The following ABCB11 variants were observed in gnomAD, a reference collection of about 807,000 sequenced individuals.
ABCB11 encodes ATP binding cassette subfamily B member 11.
Under a neutral mutation model 148.0 loss-of-function variants are expected in ABCB11, and 95 were observed. The observed-to-expected ratio is 0.64, with a 90% CI of 0.54 to 0.76. The LOEUF is 0.76. Among genes scored for constraint, ABCB11 ranks in the 30% least tolerant of loss-of-function variants. ABCB11 has a pLI of 0.00. For missense variants in ABCB11, 1,523 were observed against 1,617.8 expected (o/e 0.94, Z 1.01); for synonymous variants, 591 against 555.4 (o/e 1.06, Z -0.90).
intron 5 of ABCB11, among the ~76,000 whole-genome samples, chr2:169,002,067 T>C (rs11898632): frequency 0.12 from 17,569 of 152,090 alleles, 1,558 homozygotes; most frequent in African/African-American, 0.25. Context: ...AACAAAAAGA[T>C]AGAAAAACAA....
At chr2:168,934,675 A>C (rs1036035179) in intron 23 of ABCB11, among the ~76,000 whole-genome samples, 2 of 152,238 alleles carry the variant, frequency 1.3e-5, no homozygotes, top group African/African-American at 4.8e-5. Flanking sequence ...CTCAGCATTA[A>C]CATGTGTGGC....
At chr2:168,923,893 A>G in intron 27 of ABCB11, 71 bp from the exon 28 acceptor site, 2 of 1,434,452 alleles carry the variant, frequency 1.4e-6, no homozygotes, top group East Asian at 2.3e-5. Context: ...ATGAGAGTTC[A>G]GTTAACACGA....
At chr2:168,950,133 A>G (rs1193511577) in intron 19 of ABCB11, among the ~76,000 whole-genome samples, 1 of 68,956 alleles carries the variant, frequency 1.5e-5, no homozygotes, top group Non-Finnish European at 3.0e-5. Context: ...ACTCCCATAT[A>G]TATATATACA....
chr2:168,979,785 G>A, intron 11 of ABCB11, 81 bp downstream of exon 11: 1 of 726,844 alleles, frequency 1.4e-6, no homozygotes. Flanking sequence ...TAACTTTAAG[G>A]TAAATTCTTC....
At chr2:168,950,805 G>A (rs1327691672) in intron 19 of ABCB11, among the ~76,000 whole-genome samples, 1 of 151,602 alleles carries the variant, frequency 6.6e-6, no homozygotes, top group Admixed American at 6.6e-5. Context: ...GTCTATTTTT[G>A]TTTTGGTTGT....
chr2:169,003,199 C>T (rs1273083273), intron 5 of ABCB11, among the ~76,000 whole-genome samples: 3 of 151,886 alleles, frequency 2.0e-5, no homozygotes, highest in Non-Finnish European at 4.4e-5. Flanking sequence ...TGAGTGAGAA[C>T]ATACACCGTT....
chr2:168,952,154 A>G (rs1488735542), intron 19 of ABCB11, among the ~76,000 whole-genome samples: 1 of 151,680 alleles, frequency 6.6e-6, no homozygotes, highest in Non-Finnish European at 1.5e-5. Flanking sequence ...GGATTTTTAC[A>G]TCTATGTTCA....
chr2:168,955,434 A>G (rs1692746125), intron 19 of ABCB11, among the ~76,000 whole-genome samples: 1 of 151,626 alleles, frequency 6.6e-6, no homozygotes, highest in African/African-American at 2.4e-5. Context: ...TGACCAAAGC[A>G]GGAGGAAGAA....
chr2:168,972,115 T>C (rs1693610189), intron 13 of ABCB11, 65 bp from the exon 14 acceptor site: 5 of 1,461,646 alleles, frequency 3.4e-6, no homozygotes, highest in Middle Eastern at 1.7e-4. Context: ...CATAATATTA[T>C]GTCATACTTG....
At chr2:168,970,943 T>C (rs1291338588) in intron 14 of ABCB11, among the ~76,000 whole-genome samples, 1 of 152,040 alleles carries the variant, frequency 6.6e-6, no homozygotes, top group Non-Finnish European at 1.5e-5. Flanking sequence ...CTGGGATTTG[T>C]ATCAAGGCAA....
intron 23 of ABCB11, among the ~76,000 whole-genome samples, chr2:168,933,744 C>T (rs996665127): frequency 2.1e-5 from 2 of 94,472 alleles, no homozygotes; most frequent in Non-Finnish European, 2.1e-5. Context: ...TTCTGTAGTT[C>T]CACTTTTTGT....
At chr2:168,946,000 T>G (rs1692287977) in intron 19 of ABCB11, among the ~76,000 whole-genome samples, 2 of 151,888 alleles carry the variant, frequency 1.3e-5, no homozygotes. Context: ...TAATGCTTAG[T>G]AAACTACACT....
intron 19 of ABCB11, among the ~76,000 whole-genome samples, chr2:168,950,150 C>T (rs956740945): frequency 1.1e-4 from 17 of 150,564 alleles, no homozygotes; most frequent in East Asian, 2.0e-4. Flanking sequence ...TACACACACA[C>T]ACACACACAC....
chr2:168,959,249 T>C (rs1692942673), intron 18 of ABCB11, among the ~76,000 whole-genome samples: 1 of 151,724 alleles, frequency 6.6e-6, no homozygotes, highest in South Asian at 2.1e-4. Flanking sequence ...CCACTTCAAG[T>C]TCTCTCTTGG....
rs1315294043 is a variant in ABCB11, at chr2:168,936,309, G to A, written c.2735C>T (p.Ala912Val). The change falls in exon 22 of 28, where the codon GCT becomes GTT. Residue 912 changes from alanine to valine, a missense_variant. Transcript: ENST00000650372. ...CCTGGTCTGTGTGGCTCCTGATAAAGCCAAGAAGGGGAAGAAGCACAAGAT... is the reference window on the plus strand; with the variant it reads ...CCTGGTCTGTGTGGCTCCTGATAAAACCAAGAAGGGGAAGAAGCACAAGAT... ...LVILCFFPFL[A>V]LSGATQTRML... is the part of the protein sequence containing the mutation. The A allele has an allele frequency of 1.1e-5, 18 of 1,613,848 alleles. No homozygotes were observed. The highest frequency in any genetic ancestry group is 1.5e-5 in the Non-Finnish European group (18 of 1,179,898).
At chr2:168,999,382 A>T (rs1181607332) in intron 5 of ABCB11, among the ~76,000 whole-genome samples, 2 of 151,998 alleles carry the variant, frequency 1.3e-5, no homozygotes, top group African/African-American at 4.8e-5. Flanking sequence ...ACTGTAGTAC[A>T]ATATCACACC....
At chr2:168,993,903 G>T (rs1412727430) in intron 7 of ABCB11, 21 bp from the exon 8 acceptor site, 5 of 1,589,772 alleles carry the variant, frequency 3.1e-6, no homozygotes, top group Non-Finnish European at 4.3e-6. Context: ...GAAAGATTTT[G>T]GTCACTAAAA....
intron 5 of ABCB11, among the ~76,000 whole-genome samples, chr2:169,003,450 G>A (rs564262979): frequency 2.3e-4 from 35 of 149,932 alleles, no homozygotes; most frequent in African/African-American, 7.6e-4. Context: ...TGTATCATAC[G>A]TAATATATAT....
chr2:169,026,990 T>C (rs1161566261), intron 1 of ABCB11, among the ~76,000 whole-genome samples: 3 of 152,228 alleles, frequency 2.0e-5, no homozygotes, highest in Non-Finnish European at 4.4e-5. Flanking sequence ...CCTAACCTAA[T>C]AACTTGATTT....
Sources: allele counts gnomAD v4.1 joint callset (sites outside exome capture counted in the v4.1 genomes callset), GRCh38; gene constraint gnomAD v4.1.1; transcripts MANE v1.5; gene names NCBI Gene and HGNC (gene_info 2026-07-23, HGNC 2026-07-21).